The following SNX29 variants were observed in gnomAD, a reference collection of about 807,000 sequenced individuals.
SNX29 encodes the protein sorting nexin 29.
In SNX29, 78 loss-of-function variants were observed where a neutral mutation model predicts 102.1. That is an observed-to-expected ratio of 0.76 (90% confidence interval 0.64 to 0.92). The LOEUF (loss-of-function observed/expected upper bound fraction) is 0.92. Ranked by LOEUF, SNX29 falls within the 40% of genes least tolerant of loss-of-function variation. The pLI, the probability that SNX29 is intolerant of heterozygous loss-of-function variation, is 0.00. For missense variants in SNX29, 1,280 were observed against 1,061.7 expected (o/e 1.21, Z -2.86); for synonymous variants, 580 against 414.5 (o/e 1.40, Z -4.85).
intron 20 of SNX29, among the ~76,000 whole-genome samples, chr16:12,552,673 G>C (rs1475584759): frequency 3.3e-5 from 5 of 152,246 alleles, no homozygotes; most frequent in Non-Finnish European, 7.3e-5. Context: ...AGGCCATGCA[G>C]GGCGTTTACA....
At chr16:12,400,650 A>G (rs1301251335) in intron 17 of SNX29, among the ~76,000 whole-genome samples, 1 of 152,224 alleles carries the variant, frequency 6.6e-6, no homozygotes, top group African/African-American at 2.4e-5. Flanking sequence ...CCTTAGATCC[A>G]GTGTTCCTTT....
intron 11 of SNX29, among the ~76,000 whole-genome samples, chr16:12,086,058 C>T (rs1212823969): frequency 7.0e-6 from 1 of 143,022 alleles, no homozygotes; most frequent in Non-Finnish European, 1.5e-5. Flanking sequence ...GGCTGGAGGG[C>T]AGTGGCGTGA....
chr16:12,393,427 T>TGCA (rs2083609122), intron 16 of SNX29, among the ~76,000 whole-genome samples: 6 of 145,762 alleles, frequency 4.1e-5, no homozygotes, highest in South Asian at 2.3e-4. Flanking sequence ...CATTCATTCA[T>TGCA]TCATTCAGTG....
At chr16:12,310,365 T>C (rs899351006) in intron 15 of SNX29, among the ~76,000 whole-genome samples, 3 of 152,216 alleles carry the variant, frequency 2.0e-5, no homozygotes, top group Non-Finnish European at 4.4e-5. Context: ...CAAGGACTTG[T>C]GCACAAATGT....
Position 12,571,932 on chromosome 16 carries a change from A to T in SNX29, c.*3303A>T, listed in dbSNP as rs1202208891. On this transcript the variant is annotated 3_prime_UTR_variant, in exon 21 of 21. Coordinates refer to ENST00000566228, the MANE Select transcript of SNX29 (RefSeq NM_032167.5). ...TCTACTGGCAGGCCCTGGTGAAGGA[A>T]GACACTTTCAGGGAAGAGGCTCTTA... The T allele has an allele frequency of 2.8e-6, 3 of 1,061,870 alleles. No homozygotes were observed. The highest frequency in any genetic ancestry group is 1.6e-5 in the African/African-American group (1 of 60,866). 65.8% of individuals were successfully genotyped at this position (1,061,870 alleles called of 1,614,324 possible).
intron 11 of SNX29, among the ~76,000 whole-genome samples, chr16:12,094,834 T>C (rs2052703074): frequency 6.6e-6 from 1 of 151,984 alleles, no homozygotes; most frequent in Admixed American, 6.6e-5. Context: ...GCAGGGCCGT[T>C]TTCCAGGAAC....
At position 12,048,615 on chromosome 16, in the gene SNX29, G is replaced by T. The variant is rs1385005648; in HGVS notation, c.743G>T (p.Ser248Ile). 6.2e-7 allele frequency: 1 copy of T among 1,613,936 alleles called. No homozygotes were observed. The highest frequency in any genetic ancestry group is 8.5e-7 in the Non-Finnish European group (1 of 1,179,864). Residue 248 changes from serine to isoleucine, a missense_variant, in exon 7 of 21, where the codon AGT becomes ATT. Ser to Ile is a moderately radical substitution (Grantham distance 142). Coordinates refer to ENST00000566228, the MANE Select transcript of SNX29 (RefSeq NM_032167.5). ...DPLPVVSRNV[S>I]ADAKCKKERK... ...TTGCCTGTCGTGTCCAGGAATGTCA[G>T]TGCTGGTGAGTGGGAACGGGTGCTC...
At chr16:12,545,101 G>A (rs1459768417) in intron 20 of SNX29, among the ~76,000 whole-genome samples, 3 of 152,106 alleles carry the variant, frequency 2.0e-5, no homozygotes, top group Non-Finnish European at 2.9e-5. Flanking sequence ...GACCCAGGCT[G>A]CAGTAGCCAG....
chr16:12,536,369 CTTGT>C (rs901797335), intron 20 of SNX29, among the ~76,000 whole-genome samples: 1 of 152,008 alleles, frequency 6.6e-6, no homozygotes, highest in African/African-American at 2.4e-5. Flanking sequence ...GGGGGTAAAG[CTTGT>C]TTATGACTTT....
At chr16:12,047,651 CTTTT>C (rs376623418) in intron 6 of SNX29, among the ~76,000 whole-genome samples, 3 of 126,616 alleles carry the variant, frequency 2.4e-5, no homozygotes, top group Non-Finnish European at 3.3e-5. Context: ...GGACCAAGGT[CTTTT>C]TTTTTTTTTT....
chr16:12,246,517 T>C (rs142260416), intron 14 of SNX29, among the ~76,000 whole-genome samples: 15 of 152,264 alleles, frequency 9.9e-5, no homozygotes, highest in Admixed American at 1.3e-4. Context: ...GGCACACTCC[T>C]GTAATCCCAG....
chr16:12,193,677 G>A (rs1446099505), intron 13 of SNX29, among the ~76,000 whole-genome samples: 2 of 152,112 alleles, frequency 1.3e-5, no homozygotes, highest in African/African-American at 2.4e-5. Context: ...TTTGTATAAG[G>A]TGTGAGTATT....
intron 13 of SNX29, among the ~76,000 whole-genome samples, chr16:12,166,961 T>C (rs2076030203): frequency 1.3e-5 from 2 of 152,350 alleles, no homozygotes; most frequent in East Asian, 3.9e-4. Flanking sequence ...CATGGAGCTC[T>C]CCTTACGTGG....
At chr16:12,566,115 C>G (rs192924716) in intron 20 of SNX29, among the ~76,000 whole-genome samples, 3 of 152,360 alleles carry the variant, frequency 2.0e-5, no homozygotes, top group African/African-American at 7.2e-5. Context: ...CACCTTTATT[C>G]TGTCCAAGGC....
At position 12,572,232 on chromosome 16, in the gene SNX29, G is replaced by A. The variant is rs747930741; in HGVS notation, c.*3603G>A. The A allele has an allele frequency of 2.2e-5, 23 of 1,032,198 alleles. No individual in the cohort carries two copies. Among genetic ancestry groups the A allele is most frequent in the Middle Eastern group, 4.3e-4 (1 of 2,332 alleles). 63.9% of individuals were successfully genotyped at this position (1,032,198 alleles called of 1,614,324 possible). A position where few individuals can be genotyped will look rare whatever the true frequency, so the allele number is the denominator to read the frequency against. ...TAAAAACCAGAGGCTCCTGAAAGTC[G>A]TTTACACCAGGTGGATTGATACCAT... On this transcript the variant is annotated 3_prime_UTR_variant, in exon 21 of 21. Coordinates refer to ENST00000566228, the MANE Select transcript of SNX29 (RefSeq NM_032167.5).
At chr16:12,063,255 C>T (rs904816964) in intron 9 of SNX29, among the ~76,000 whole-genome samples, 2 of 149,262 alleles carry the variant, frequency 1.3e-5, no homozygotes, top group African/African-American at 4.9e-5. Flanking sequence ...GGAGCTGGGG[C>T]GTTGGCATGG....
At chr16:12,371,395 C>T (rs544201667) in intron 16 of SNX29, among the ~76,000 whole-genome samples, 1 of 152,258 alleles carries the variant, frequency 6.6e-6, no homozygotes, top group East Asian at 1.9e-4. Context: ...AACTCCTGGG[C>T]TCAGCGATCC....
intron 14 of SNX29, among the ~76,000 whole-genome samples, chr16:12,227,338 C>T (rs1377295693): frequency 1.3e-5 from 2 of 152,208 alleles, no homozygotes; most frequent in Non-Finnish European, 2.9e-5. Flanking sequence ...CCCAAATGAT[C>T]TGCACCCCAG....
At chr16:12,539,798 T>G (rs182242032) in intron 20 of SNX29, among the ~76,000 whole-genome samples, 23 of 152,336 alleles carry the variant, frequency 1.5e-4, no homozygotes, top group African/African-American at 5.1e-4. Context: ...GTTGAGCATA[T>G]TTTCATGTGG....
Sources: gnomAD v4.1 joint callset for allele counts (sites outside exome capture counted in the v4.1 genomes callset) on GRCh38, gnomAD v4.1.1 for gene constraint, MANE v1.5 for transcripts, NCBI Gene and HGNC (gene_info 2026-07-23, HGNC 2026-07-21) for gene names.